Variants in NEBL observed in about 807,000 individuals in gnomAD.
NEBL encodes LIM and SH3 protein 2.
A neutral mutation model predicts 140.2 loss-of-function variants in NEBL; 122 were observed. The observed-to-expected ratio is 0.87, with a 90% CI of 0.75 to 1.01. NEBL has a LOEUF of 1.01. Ranked by LOEUF, NEBL falls within the 50% of genes least tolerant of loss-of-function variation. NEBL has a pLI of 0.00. For missense variants in NEBL, 1,365 were observed against 1,231.3 expected, an observed-to-expected ratio of 1.11 and a Z score of -1.62; for synonymous variants, 436 against 398.9, an observed-to-expected ratio of 1.09 and a Z score of -1.11.
At chr10:21,180,209 C>G (rs2132204049) in intron 3 of NEBL, among the ~76,000 whole-genome samples, 1 of 152,178 alleles carries the variant, frequency 6.6e-6, no homozygotes, top group East Asian at 1.9e-4. Context: ...GAACATGCCC[C>G]TCAGAACTGT....
intron 19 of NEBL, among the ~76,000 whole-genome samples, chr10:20,821,566 T>C (rs1839318315): frequency 6.6e-6 from 1 of 152,212 alleles, no homozygotes; most frequent in Non-Finnish European, 1.5e-5. Context: ...TCAAATAAAG[T>C]TATTTCTAAG....
chr10:21,231,673 T>A (rs550133432), intron 3 of NEBL, among the ~76,000 whole-genome samples: 1 of 152,224 alleles, frequency 6.6e-6, no homozygotes, highest in East Asian at 1.9e-4. Flanking sequence ...CATGAAGATC[T>A]GGGGAGAGAA....
chr10:21,116,229 T>G (rs1838279220), intron 2 of NEBL, among the ~76,000 whole-genome samples: 1 of 152,140 alleles, frequency 6.6e-6, no homozygotes, highest in Admixed American at 6.6e-5. Flanking sequence ...ACAACAGATA[T>G]TTATTTCTTA....
At chr10:21,202,465 T>TTTTTTTTC in intron 3 of NEBL, among the ~76,000 whole-genome samples, 1 of 144,096 alleles carries the variant, frequency 6.9e-6, no homozygotes, top group African/African-American at 2.6e-5. Flanking sequence ...CTTTTTCTTT[T>TTTTTTTTC]TTTTTTTTTT....
At chr10:20,791,567 T>C (rs188749020) in intron 26 of NEBL, among the ~76,000 whole-genome samples, 99 of 152,008 alleles carry the variant, frequency 6.5e-4, no homozygotes, top group African/African-American at 2.2e-3. Flanking sequence ...AGCTGATTTT[T>C]TTTTTTCCCT....
chr10:20,905,729 G>C (rs143690821), intron 4 of NEBL, among the ~76,000 whole-genome samples: 142 of 152,278 alleles, frequency 9.3e-4, no homozygotes, highest in Non-Finnish European at 2.6e-4. Flanking sequence ...CCAGAGACAA[G>C]AGTTGAAAGA....
intron 2 of NEBL, chr10:21,028,975 A>G (rs1833658302): frequency 3.5e-6 from 2 of 563,700 alleles, no homozygotes; most frequent in Admixed American, 3.3e-5. Context: ...TTTAAAATGA[A>G]AGTGTTGCTT....
chr10:20,898,857 A>G (rs1214577101), upstream of NEBL, among the ~76,000 whole-genome samples: 1 of 152,202 alleles, frequency 6.6e-6, no homozygotes, highest in Non-Finnish European at 1.5e-5. Flanking sequence ...CCTCTGTGAA[A>G]TATGACCGAC....
intron 3 of NEBL, among the ~76,000 whole-genome samples, chr10:21,013,537 G>A (rs1033921621): frequency 6.6e-6 from 1 of 152,204 alleles, no homozygotes; most frequent in Non-Finnish European, 1.5e-5. Context: ...ACTGTCGGGA[G>A]AAGCAGTGTT....
At chr10:20,977,487 A>G (rs1836852934) in intron 3 of NEBL, among the ~76,000 whole-genome samples, 3 of 152,186 alleles carry the variant, frequency 2.0e-5, no homozygotes, top group African/African-American at 7.2e-5. Flanking sequence ...AACGGCTCAC[A>G]CAAAGAGCTG....
chr10:21,253,295 A>G (rs1842610365), intron 1 of NEBL, among the ~76,000 whole-genome samples: 1 of 152,176 alleles, frequency 6.6e-6, no homozygotes, highest in Non-Finnish European at 1.5e-5. Flanking sequence ...ATAAGGCAGA[A>G]GCCAGAGACT....
chr10:20,874,053 C>T (rs1845239383), intron 5 of NEBL, among the ~76,000 whole-genome samples: 1 of 152,204 alleles, frequency 6.6e-6, no homozygotes, highest in Non-Finnish European at 1.5e-5. Context: ...AGAGTCTTAT[C>T]TGAAAATAGT....
chr10:20,895,542 A>G (rs1847402424), intron 2 of NEBL, among the ~76,000 whole-genome samples: 2 of 152,196 alleles, frequency 1.3e-5, no homozygotes, highest in Non-Finnish European at 2.9e-5. Context: ...CCTGGCACAC[A>G]ATAGTCACTA....
chr10:20,949,751 T>C (rs762660859), intron 4 of NEBL, among the ~76,000 whole-genome samples: 17 of 152,170 alleles, frequency 1.1e-4, no homozygotes, highest in Admixed American at 5.9e-4. Flanking sequence ...GTTTTTTTTC[T>C]GCTGAGGACG....
chr10:21,122,002 G>GGTTGTTGTT (rs147160117), intron 2 of NEBL, among the ~76,000 whole-genome samples: 15,708 of 149,472 alleles, frequency 0.11, 833 homozygotes, highest in South Asian at 0.14. Context: ...GATTTCTCCT[G>GGTTGTTGTT]GTTGTTGTTG....
intron 16 of NEBL, among the ~76,000 whole-genome samples, chr10:20,830,651 T>C (rs1840308664): frequency 6.6e-6 from 1 of 151,780 alleles, no homozygotes; most frequent in South Asian, 2.1e-4. Flanking sequence ...ATATTCATTA[T>C]GAAATGGTTA....
chr10:20,920,716 A>G (rs1330210084), intron 4 of NEBL, among the ~76,000 whole-genome samples: 1 of 152,220 alleles, frequency 6.6e-6, no homozygotes, highest in Non-Finnish European at 1.5e-5. Flanking sequence ...ATCTCTCTTA[A>G]TAAACATCAG....
chr10:21,096,778 G>A (rs1837208146), intron 2 of NEBL, among the ~76,000 whole-genome samples: 1 of 152,090 alleles, frequency 6.6e-6, no homozygotes, highest in Non-Finnish European at 1.5e-5. Flanking sequence ...GCTGCGACAG[G>A]ATTACAGGTA....
At chr10:20,942,896 T>TTCAC (rs1457842570) in intron 4 of NEBL, among the ~76,000 whole-genome samples, 1 of 152,062 alleles carries the variant, frequency 6.6e-6, no homozygotes, top group Non-Finnish European at 1.5e-5. Context: ...GAGATACCAT[T>TTCAC]TCACACCAGT....
Sources: gnomAD v4.1 joint callset for allele counts (sites outside exome capture counted in the v4.1 genomes callset) on GRCh38, gnomAD v4.1.1 for gene constraint, MANE v1.5 for transcripts, NCBI Gene and HGNC (gene_info 2026-07-23, HGNC 2026-07-21) for gene names.